Variants in SVEP1 observed in about 807,000 individuals in gnomAD.
The protein encoded by SVEP1 is sushi, von Willebrand factor type A, EGF and pentraxin domain containing 1.
A neutral mutation model predicts 367.3 loss-of-function variants in SVEP1; 164 were observed. The observed-to-expected ratio is 0.45, with a 90% CI of 0.39 to 0.51. The LOEUF (loss-of-function observed/expected upper bound fraction) is 0.51, where lower values mean the gene tolerates loss of function less well. Ranked by LOEUF, SVEP1 falls within the 20% of genes least tolerant of loss-of-function variation. SVEP1 has a pLI of 0.00. For missense variants in SVEP1, 4,117 were observed against 4,425.3 expected (o/e 0.93, Z 1.98); for synonymous variants, 1,666 against 1,611.6 (o/e 1.03, Z -0.81).
intron 22 of SVEP1, among the ~76,000 whole-genome samples, chr9:110,452,764 C>G (rs757718440): frequency 6.6e-6 from 1 of 152,206 alleles, no homozygotes; most frequent in South Asian, 2.1e-4. Context: ...TATTTCTAAA[C>G]AGCATGCCTG....
intron 1 of SVEP1, among the ~76,000 whole-genome samples, chr9:110,552,033 T>C (rs1030519870): frequency 7.2e-6 from 1 of 139,594 alleles, no homozygotes; most frequent in South Asian, 2.6e-4. Flanking sequence ...CCTTTTTTTT[T>C]TTTTTTTTTT....
chr9:110,434,190 G>T, intron 30 of SVEP1, 146 bp downstream of exon 30: 3 of 961,874 alleles, frequency 3.1e-6, no homozygotes, highest in Non-Finnish European at 4.5e-6. Context: ...GCCCAGCACA[G>T]TTCATTAAAC....
In SVEP1 at chr9:110,549,800, G is replaced by A. The variant is rs183174903; in HGVS notation, c.787+49C>T. ...ATGGGTTTCAAGCAGTGAGAGGCAA[G>A]GAAGCCTCATTTAAAAGTACCTTTG... On this transcript the variant is annotated intron_variant, in intron 2 of 47. Transcript: ENST00000374469. 15 of 1,599,072 alleles carry A rather than the reference G, an allele frequency of 9.4e-6. No individual in the cohort carries two copies. The East Asian group carries it at 3.4e-4, about 36-fold the overall frequency.
chr9:110,403,554 C>A (rs547882841), intron 39 of SVEP1, among the ~76,000 whole-genome samples: 2 of 151,938 alleles, frequency 1.3e-5, no homozygotes, highest in East Asian at 3.9e-4. Flanking sequence ...CCATCCACCT[C>A]GGCCTCCCAA....
Position 110,408,558 on chromosome 9 carries a change from A to C in SVEP1, c.7042T>G (p.Ser2348Ala). 6.2e-7 allele frequency: 1 copy of C among 1,614,004 alleles called. No homozygotes were observed. Among genetic ancestry groups the C allele is most frequent in the Non-Finnish European group, 8.5e-7 (1 of 1,179,890 alleles). The change falls in exon 38 of 48, where the codon TCC becomes GCC. Residue 2348 changes from serine to alanine, a missense_variant. Ser to Ala is a moderately conservative substitution (Grantham distance 99). Transcript: ENST00000374469. ...LTTEVGVVTF[S>A]CKEGHVLQGP... is the part of the protein sequence containing the mutation. ...TGCAGGACATGCCCTTCTTTACAGG[A>C]AAATGTCACAACTCCTACCTCGGTG...
At chr9:110,383,528 TGGG>T (rs535440131) in intron 43 of SVEP1, among the ~76,000 whole-genome samples, 1 of 64,130 alleles carries the variant, frequency 1.6e-5, no homozygotes, top group African/African-American at 5.6e-5. Flanking sequence ...ACCCCTGTTG[TGGG>T]GGGGTCTCAT....
rs763681058 is a variant in SVEP1 at position 110,375,464 on chromosome 9, C to T, written c.10505-1G>A. 8 of 399,074 alleles carry T rather than the reference C, an allele frequency of 2.0e-5. No homozygotes were observed. Among genetic ancestry groups the T allele is most frequent in the Non-Finnish European group, 2.7e-5 (8 of 294,594 alleles). The allele number at this position is 399,074 out of a possible 1,614,324, so 24.7% of individuals were successfully genotyped here. On this transcript the variant is annotated splice_acceptor_variant, in intron 45 of 47. Coordinates refer to ENST00000374469, the MANE Select transcript of SVEP1 (RefSeq NM_153366.4). LOFTEE classifies it high-confidence loss of function. ...TTCAGACAGGGAAGAATGCAGATTG[C>T]TAAAAAAAAAAAAAAAAAAAAAAAA...
At chr9:110,565,790 C>T (rs1830484902) in intron 1 of SVEP1, among the ~76,000 whole-genome samples, 1 of 151,860 alleles carries the variant, frequency 6.6e-6, no homozygotes, top group Non-Finnish European at 1.5e-5. Context: ...GCCGTTTCTG[C>T]CTCCTGACTT....
intron 5 of SVEP1, among the ~76,000 whole-genome samples, chr9:110,511,763 C>T (rs1450320382): frequency 6.6e-6 from 1 of 151,986 alleles, no homozygotes; most frequent in East Asian, 1.9e-4. Context: ...TTGGTACCAA[C>T]ATAGATGTCT....
chr9:110,470,683 G>A (rs1463301035), intron 16 of SVEP1, among the ~76,000 whole-genome samples: 6 of 151,566 alleles, frequency 4.0e-5, no homozygotes, highest in East Asian at 1.9e-4. Flanking sequence ...TGATCCTCCC[G>A]CCTTGGCCTC....
chr9:110,512,687 T>C, intron 5 of SVEP1: 1 of 540,120 alleles, frequency 1.9e-6, no homozygotes, highest in Non-Finnish European at 3.3e-6. Flanking sequence ...TCCATTTACT[T>C]CCCAGGCAAA....
intron 5 of SVEP1, among the ~76,000 whole-genome samples, chr9:110,511,857 G>T (rs1052411627): frequency 4.6e-5 from 7 of 152,136 alleles, no homozygotes; most frequent in Non-Finnish European, 7.3e-5. Flanking sequence ...CCAGAAGACA[G>T]AACTAATCTT....
In SVEP1 at chr9:110,407,376, T is replaced by C. The variant is rs369929806; in HGVS notation, c.8224A>G (p.Ser2742Gly). The change falls in exon 38 of 48, where the codon AGC becomes GGC. Residue 2742 changes from serine (S) to glycine (G), a missense_variant. Ser to Gly is a moderately conservative substitution (Grantham distance 56). This residue lies in a region of SVEP1 where 1,765 missense variants were observed against 1,781.1 expected (regional missense o/e 0.99). Coordinates refer to ENST00000374469, the MANE Select transcript of SVEP1 (RefSeq NM_153366.4). Reference protein sequence around the residue: ...ETSMGSAVQYSCKPGHILAGS... With the variant: ...ETSMGSAVQYGCKPGHILAGS... ...GCTAGAATGTGTCCAGGTTTACAGC[T>C]ATACTGCACAGCACTTCCCATGCTA... 3 of 1,614,020 alleles carry C rather than the reference T, an allele frequency of 1.9e-6. No individual in the cohort carries two copies. Among genetic ancestry groups the C allele is most frequent in the Non-Finnish European group, 2.5e-6 (3 of 1,179,892 alleles).
intron 3 of SVEP1, among the ~76,000 whole-genome samples, chr9:110,545,700 G>T (rs1317368208): frequency 6.6e-6 from 1 of 152,062 alleles, no homozygotes; most frequent in African/African-American, 2.4e-5. Flanking sequence ...TAATTACAAA[G>T]ACCCCAAATC....
intron 5 of SVEP1, among the ~76,000 whole-genome samples, chr9:110,511,488 CTTTTTTTTTTTTTTTTTTTTTTTT>C (rs199993986): frequency 1.3e-4 from 10 of 77,574 alleles, no homozygotes; most frequent in Admixed American, 4.2e-4. Flanking sequence ...GTGTCAGTAC[CTTTTTTTTTTTTTTTTTTTTTTTT>C]TTTTTTTTTT....
chr9:110,415,528 G>C (rs1292328898), intron 36 of SVEP1, among the ~76,000 whole-genome samples: 1 of 151,972 alleles, frequency 6.6e-6, no homozygotes, highest in Non-Finnish European at 1.5e-5. Context: ...AAGACGGTAA[G>C]ACAGGTCATA....
chr9:110,385,750 T>G (rs1383930028), intron 43 of SVEP1, 148 bp downstream of exon 43: 2 of 923,236 alleles, frequency 2.2e-6, no homozygotes, highest in East Asian at 3.1e-5. Context: ...TTAAAAGAAA[T>G]TTACAAACAT....
In SVEP1 at chr9:110,390,348, C is replaced by CTTATATATAT. The variant is rs1484401976; in HGVS notation, c.9823-762_9823-761insATATATATAA. Among the ~76,000 whole-genome samples the CTTATATATAT allele has an allele frequency of 3.0e-3, 98 of 33,174 alleles. 5 individuals carry two copies. Among genetic ancestry groups the CTTATATATAT allele is most frequent in the Non-Finnish European group, 3.8e-3 (75 of 19,802 alleles). 21.8% of individuals were successfully genotyped at this position (33,174 alleles called of 152,430 possible). A position where few individuals can be genotyped will look rare whatever the true frequency, so the allele number is the denominator to read the frequency against. ...ACTTATATATACACATACTTATATA[C>CTTATATATAT]ACTTATATATATATACTTATATCTA... On this transcript the variant is annotated intron_variant, in intron 40 of 47. Coordinates refer to ENST00000374469, the MANE Select transcript of SVEP1 (RefSeq NM_153366.4).
Position 110,450,072 on chromosome 9 carries a change from C to T in SVEP1, c.4090G>A (p.Ala1364Thr). The T allele has an allele frequency of 1.2e-6, 2 of 1,613,862 alleles. No individual in the cohort carries two copies. The highest frequency in any genetic ancestry group is 1.7e-6 in the Non-Finnish European group (2 of 1,179,804). ...TTAGCCTTTTACCTGAAGCTATTGG[C>T]ACCGTCTTTACAGGTAGCTCCATTT... ...CKNGATCKDGANSFRCLCAAG... is the reference protein window; with the variant it reads ...CKNGATCKDGTNSFRCLCAAG... The change falls in exon 24 of 48, where the codon GCC becomes ACC. Residue 1364 changes from alanine (A) to threonine (T), a missense_variant. By Grantham distance (58) the Ala-to-Thr change is moderately conservative. Coordinates refer to ENST00000374469, the MANE Select transcript of SVEP1 (RefSeq NM_153366.4).
Sources: gnomAD v4.1 joint callset for allele counts (sites outside exome capture counted in the v4.1 genomes callset) on GRCh38, gnomAD v4.1.1 for gene constraint, gnomAD v4.1.1 regional missense constraint, MANE v1.5 for transcripts, NCBI Gene and HGNC (gene_info 2026-07-23, HGNC 2026-07-21) for gene names.